Variants in ITGAV observed in about 807,000 individuals in gnomAD.
ITGAV encodes the protein integrin subunit alpha V.
ITGAV carries 76 observed loss-of-function variants against 143.8 expected under a neutral mutation model. That is an observed-to-expected ratio of 0.53 (90% CI 0.44 to 0.64). ITGAV has a LOEUF of 0.64. ITGAV is among the 30% of genes least tolerant of loss of function. The pLI is 0.00. For synonymous variants in ITGAV, 453 were observed against 446.7 expected, an observed-to-expected ratio of 1.01 and a Z score of -0.18; for missense variants, 1,193 against 1,274.7, an observed-to-expected ratio of 0.94 and a Z score of 0.98.
At chr2:186,617,429 G>A (rs1293860143) in intron 2 of ITGAV, among the ~76,000 whole-genome samples, 1 of 152,256 alleles carries the variant, frequency 6.6e-6, no homozygotes, top group East Asian at 1.9e-4. Flanking sequence ...ACGACAATCC[G>A]GTTTTCTCAT....
chr2:186,677,913 T>G lies in ITGAV; in HGVS notation c.*621T>G, dbSNP rs529567869. 2.0e-5 allele frequency: 3 copies of G among 152,594 alleles called. No individual in the cohort carries two copies. Among genetic ancestry groups the G allele is most frequent in the African/African-American group, 7.2e-5 (3 of 41,460 alleles). 9.5% of individuals were successfully genotyped at this position (152,594 alleles called of 1,614,324 possible). On this transcript the variant is annotated 3_prime_UTR_variant, in exon 30 of 30. Transcript: ENST00000261023. ...TTTAGTATGAAAATCTGGTAGATCC[T>G]ATTACACTTCTGTTTATATTAAATC... is the stretch of plus-strand genomic sequence containing the variant.
At chr2:186,660,541 C>T (rs1401265213) in intron 18 of ITGAV, 1 of 152,156 alleles carries the variant, frequency 6.6e-6, no homozygotes, top group Non-Finnish European at 1.5e-5. Flanking sequence ...TGCTTCATTT[C>T]ACTGGTTACG....
At position 186,680,732 on chromosome 2, in the gene ITGAV, G is replaced by A. The variant is rs534388779; in HGVS notation, c.*3440G>A. 1 of 152,670 alleles carries A rather than the reference G, an allele frequency of 6.6e-6. No individual in the cohort carries two copies. The highest frequency in any genetic ancestry group is 1.5e-5 in the Non-Finnish European group (1 of 67,988). The allele number at this position is 152,670 out of a possible 1,614,324, so 9.5% of individuals were successfully genotyped here. Reference sequence around the variant, plus strand: ...AATTAATTTGCTACCTAATAACATAGAAAGTAAATATCTTTGTGGTCACCC... The same window carrying A: ...AATTAATTTGCTACCTAATAACATAAAAAGTAAATATCTTTGTGGTCACCC... On this transcript the variant is annotated 3_prime_UTR_variant, in exon 30 of 30. Transcript: ENST00000261023.
intron 5 of ITGAV, among the ~76,000 whole-genome samples, chr2:186,631,422 A>G (rs61763658): frequency 0.026 from 3,885 of 152,202 alleles, 174 homozygotes; most frequent in African/African-American, 0.089. Context: ...TTTTTAATCT[A>G]TTTTTTGAAA....
chr2:186,647,753 G>A (rs1688302860), intron 13 of ITGAV, among the ~76,000 whole-genome samples: 1 of 152,130 alleles, frequency 6.6e-6, no homozygotes, highest in South Asian at 2.1e-4. Context: ...ATTATAAATG[G>A]ATCTAGGATC....
rs762864809 is a variant in ITGAV, at chr2:186,646,670, C to CT, written c.1160-9dup. On this transcript the variant is annotated splice_polypyrimidine_tract_variant and intron_variant, in intron 12 of 29. Coordinates refer to ENST00000261023, the MANE Select transcript of ITGAV (RefSeq NM_002210.5). ...TTCTGTCATTCTCCTTCCCCCTCCT[C>CT]TTTTTTTCCCCACAGATATTGCAAT... The CT allele has an allele frequency of 7.1e-6, 11 of 1,552,984 alleles. No individual in the cohort carries two copies. The highest frequency in any genetic ancestry group is 7.9e-6 in the Non-Finnish European group (9 of 1,139,098).
Position 186,618,687 on chromosome 2 carries a change from G to C in ITGAV, c.317-3652G>C, listed in dbSNP as rs144461148. Among the ~76,000 whole-genome samples, 1,432 of 152,160 alleles carry C rather than the reference G, an allele frequency of 9.4e-3. 22 individuals are homozygous for C. Among genetic ancestry groups the C allele is most frequent in the African/African-American group, 0.033 (1,353 of 41,512 alleles). Reference sequence around the variant, plus strand: ...GAGAGATTGGATAACCTTTCACAAAGAAGAAATTTCACTTTTCAGGAATAT... The same window carrying C: ...GAGAGATTGGATAACCTTTCACAAACAAGAAATTTCACTTTTCAGGAATAT... On this transcript the variant is annotated intron_variant, in intron 2 of 29. Coordinates refer to ENST00000261023, the MANE Select transcript of ITGAV (RefSeq NM_002210.5).
intron 1 of ITGAV, chr2:186,600,370 C>T: frequency 6.5e-7 from 1 of 1,530,202 alleles, no homozygotes; most frequent in African/African-American, 1.4e-5. Context: ...TCCTGTACAT[C>T]TTAATGTTGT....
At chr2:186,658,096 A>G (rs1205328765) in intron 17 of ITGAV, among the ~76,000 whole-genome samples, 2 of 152,170 alleles carry the variant, frequency 1.3e-5, no homozygotes, top group East Asian at 3.8e-4. Context: ...ATAAGCAAAT[A>G]AGTCTTAGCA....
At chr2:186,622,571 A>G in intron 3 of ITGAV, 141 bp downstream of exon 3, 1 of 609,336 alleles carries the variant, frequency 1.6e-6, no homozygotes. Context: ...GCTCTGATCA[A>G]AGGCCACTCT....
At chr2:186,598,369 A>G (rs1402932604) in intron 1 of ITGAV, among the ~76,000 whole-genome samples, 3 of 151,082 alleles carry the variant, frequency 2.0e-5, no homozygotes, top group Non-Finnish European at 4.4e-5. Flanking sequence ...TAGAAAAAGA[A>G]CCGATGGGGT....
intron 11 of ITGAV, 96 bp downstream of exon 11, chr2:186,641,063 C>A (rs1439322740): frequency 5.4e-6 from 5 of 933,138 alleles, no homozygotes; most frequent in Non-Finnish European, 8.3e-6. Context: ...TTTTGTATTC[C>A]TTTTCTGCTA....
chr2:186,653,688 A>T (rs944616848), intron 15 of ITGAV, among the ~76,000 whole-genome samples: 13 of 152,264 alleles, frequency 8.5e-5, no homozygotes, highest in East Asian at 7.7e-4. Context: ...TACCCTGCAT[A>T]CCTCTGTGAA....
At chr2:186,611,467 T>A (rs1687214968) in intron 2 of ITGAV, among the ~76,000 whole-genome samples, 1 of 152,128 alleles carries the variant, frequency 6.6e-6, no homozygotes, top group Non-Finnish European at 1.5e-5. Flanking sequence ...CCTCAAGTGA[T>A]CCTCCCATCT....
intron 23 of ITGAV, 44 bp downstream of exon 23, chr2:186,667,274 T>G (rs201607837): frequency 4.5e-5 from 65 of 1,435,778 alleles, no homozygotes; most frequent in Non-Finnish European, 6.1e-5. Context: ...TCATGATTGC[T>G]TTTTAAAGGT....
Position 186,656,004 on chromosome 2 carries a change from A to AT in ITGAV, c.1565-236dup, listed in dbSNP as rs569858315. 1.8e-3 allele frequency among the ~76,000 whole-genome samples: 272 copies of AT among 151,994 alleles called. 1 individual carries two copies. The highest frequency in any genetic ancestry group is 6.3e-3 in the African/African-American group (260 of 41,456). ...GTCTGATAATTGGCTTACTACTATC[A>AT]TTTTTTTGGGAATTATTTATGACAT... On this transcript the variant is annotated intron_variant, in intron 16 of 29. Transcript: ENST00000261023.
At chr2:186,648,098 A>G (rs1688312135) in intron 13 of ITGAV, among the ~76,000 whole-genome samples, 2 of 152,196 alleles carry the variant, frequency 1.3e-5, no homozygotes, top group South Asian at 2.1e-4. Flanking sequence ...TTATTCTTCT[A>G]AAACATGAAT....
In ITGAV at chr2:186,646,668, C is replaced by G; in HGVS notation, c.1160-18C>G. On this transcript the variant is annotated intron_variant, in intron 12 of 29. Coordinates refer to ENST00000261023, the MANE Select transcript of ITGAV (RefSeq NM_002210.5). ...ACTTCTGTCATTCTCCTTCCCCCTC[C>G]TCTTTTTTTCCCCACAGATATTGCA... 1 of 1,551,042 alleles carries G rather than the reference C, an allele frequency of 6.4e-7. No homozygotes were observed. Among genetic ancestry groups the G allele is most frequent in the Non-Finnish European group, 8.8e-7 (1 of 1,137,500 alleles).
At chr2:186,669,667 A>G (rs1256389318) in intron 25 of ITGAV, 34 bp from the exon 26 acceptor site, 4 of 1,420,582 alleles carry the variant, frequency 2.8e-6, no homozygotes, top group African/African-American at 2.8e-5. Flanking sequence ...TTTCATTATC[A>G]TTTACCACCA....
Sources: gnomAD v4.1 joint callset for allele counts (sites outside exome capture counted in the v4.1 genomes callset) on GRCh38, gnomAD v4.1.1 for gene constraint, MANE v1.5 for transcripts, NCBI Gene and HGNC (gene_info 2026-07-23, HGNC 2026-07-21) for gene names.